Variants in SKAP2 observed in about 807,000 individuals in gnomAD.
SKAP2 encodes src kinase-associated phosphoprotein 2.
A neutral mutation model predicts 54.9 loss-of-function variants in SKAP2; 28 were observed. The observed-to-expected ratio is 0.51, with a 90% confidence interval of 0.38 to 0.70. The LOEUF (loss-of-function observed/expected upper bound fraction) is 0.70, where lower values mean the gene tolerates loss of function less well. Ranked by LOEUF, SKAP2 falls within the 30% of genes least tolerant of loss-of-function variation. SKAP2 has a pLI of 0.00. For missense variants in SKAP2, 356 were observed against 424.1 expected, an observed-to-expected ratio of 0.84 and a Z score of 1.41; for synonymous variants, 137 against 134.3, an observed-to-expected ratio of 1.02 and a Z score of -0.14.
intron 4 of SKAP2, among the ~76,000 whole-genome samples, chr7:26,804,324 T>C (rs1303683868): frequency 6.6e-6 from 1 of 152,202 alleles, no homozygotes. Flanking sequence ...TCCTCTGTTA[T>C]CCTTTCTAAC....
chr7:26,677,394 TAAA>T (rs1322136047), intron 11 of SKAP2, among the ~76,000 whole-genome samples: 2 of 72,952 alleles, frequency 2.7e-5, no homozygotes, highest in Non-Finnish European at 2.9e-5. Flanking sequence ...TCTGTCTCAA[TAAA>T]AAAAAAAAAA....
At chr7:26,843,366 C>G (rs1784857011) in intron 4 of SKAP2, among the ~76,000 whole-genome samples, 1 of 151,964 alleles carries the variant, frequency 6.6e-6, no homozygotes, top group African/African-American at 2.4e-5. Flanking sequence ...TGCAGATGTA[C>G]TCAATGGCTA....
chr7:26,730,975 G>C (rs1787813239), intron 6 of SKAP2, among the ~76,000 whole-genome samples: 1 of 152,104 alleles, frequency 6.6e-6, no homozygotes, highest in African/African-American at 2.4e-5. Context: ...AGCAATAGAG[G>C]AGACATATTA....
At chr7:26,707,361 GAA>G (rs1032822174) in intron 9 of SKAP2, among the ~76,000 whole-genome samples, 1 of 140,230 alleles carries the variant, frequency 7.1e-6, no homozygotes. Flanking sequence ...TACCATTTCA[GAA>G]AAAAAAAAAG....
intron 4 of SKAP2, among the ~76,000 whole-genome samples, chr7:26,827,826 T>C (rs1784521545): frequency 6.6e-6 from 1 of 152,246 alleles, no homozygotes; most frequent in Non-Finnish European, 1.5e-5. Context: ...TATGTTGTCG[T>C]TGACCAGTAA....
At chr7:26,661,738 T>C in the SKAP2 span, among the ~76,000 whole-genome samples, 2 of 152,176 alleles carry the variant, frequency 1.3e-5, no homozygotes, top group African/African-American at 2.4e-5. Context: ...CTAAAATTAT[T>C]TCAAGTAGTA....
chr7:26,747,135 G>A (rs1333982805), intron 4 of SKAP2, among the ~76,000 whole-genome samples: 1 of 147,844 alleles, frequency 6.8e-6, no homozygotes, highest in Non-Finnish European at 1.5e-5. Flanking sequence ...AGGACTAATT[G>A]TGTTACTTTA....
intron 4 of SKAP2, among the ~76,000 whole-genome samples, chr7:26,826,497 G>A (rs1215559251): frequency 2.6e-5 from 4 of 152,088 alleles, no homozygotes; most frequent in Admixed American, 6.5e-5. Flanking sequence ...TTTCTGTCCT[G>A]TCCATTCAAA....
At chr7:26,813,935 G>T (rs1362030840) in intron 4 of SKAP2, among the ~76,000 whole-genome samples, 2 of 152,138 alleles carry the variant, frequency 1.3e-5, no homozygotes, top group African/African-American at 4.8e-5. Flanking sequence ...TTTGAGTTAA[G>T]ATAAAGCCAA....
At chr7:26,758,448 T>C (rs2023819) in intron 4 of SKAP2, among the ~76,000 whole-genome samples, 88,477 of 151,888 alleles carry the variant, frequency 0.58, 26,165 homozygotes, top group East Asian at 0.88. Flanking sequence ...ATATTCCCAA[T>C]ATATATGAAG....
chr7:26,669,970 C>T (rs565247317), intron 12 of SKAP2, 121 bp downstream of exon 12: 13 of 422,928 alleles, frequency 3.1e-5, no homozygotes, highest in East Asian at 6.8e-5. Flanking sequence ...AAAAAGATTT[C>T]GGGGCACAAT....
intron 4 of SKAP2, among the ~76,000 whole-genome samples, chr7:26,824,508 T>C (rs1409571931): frequency 6.6e-6 from 1 of 152,162 alleles, no homozygotes; most frequent in Non-Finnish European, 1.5e-5. Context: ...CTAAACAAAA[T>C]ATACCTATAG....
intron 6 of SKAP2, among the ~76,000 whole-genome samples, chr7:26,736,839 A>G (rs981972223): frequency 2.4e-4 from 37 of 152,112 alleles, no homozygotes; most frequent in African/African-American, 8.7e-4. Context: ...AGATTGCAGT[A>G]AGCTATGATG....
At chr7:26,773,692 A>G (rs538102508) in intron 4 of SKAP2, among the ~76,000 whole-genome samples, 2 of 152,374 alleles carry the variant, frequency 1.3e-5, no homozygotes, top group Admixed American at 6.5e-5. Context: ...TTTATAATGA[A>G]CCACATATAT....
intron 4 of SKAP2, among the ~76,000 whole-genome samples, chr7:26,756,406 C>T (rs1782793152): frequency 6.6e-6 from 1 of 152,108 alleles, no homozygotes; most frequent in Non-Finnish European, 1.5e-5. Context: ...CAATTCTCAC[C>T]TATGAGTGAG....
At chr7:26,772,606 T>C (rs1442645506) in intron 4 of SKAP2, among the ~76,000 whole-genome samples, 1 of 152,236 alleles carries the variant, frequency 6.6e-6, no homozygotes, top group East Asian at 1.9e-4. Context: ...CGTACCACCT[T>C]TTCTTTATCC....
At chr7:26,702,719 G>A (rs901455401) in intron 9 of SKAP2, among the ~76,000 whole-genome samples, 1 of 152,110 alleles carries the variant, frequency 6.6e-6, no homozygotes, top group Non-Finnish European at 1.5e-5. Context: ...TGCTTAGAAG[G>A]CCTCAATCCA....
At chr7:26,791,681 A>C (rs1783675702) in intron 4 of SKAP2, among the ~76,000 whole-genome samples, 1 of 152,338 alleles carries the variant, frequency 6.6e-6, no homozygotes, top group African/African-American at 2.4e-5. Flanking sequence ...AAAACACCTA[A>C]CTAGAAGGAC....
At chr7:26,723,726 G>A (rs1787632145) in intron 9 of SKAP2, among the ~76,000 whole-genome samples, 1 of 151,818 alleles carries the variant, frequency 6.6e-6, no homozygotes, top group Admixed American at 6.6e-5. Flanking sequence ...TAGGGGTGGG[G>A]AGAGAACAGC....
Sources: allele counts gnomAD v4.1 joint callset (sites outside exome capture counted in the v4.1 genomes callset), GRCh38; gene constraint gnomAD v4.1.1; transcripts MANE v1.5; gene names NCBI Gene and HGNC (gene_info 2026-07-23, HGNC 2026-07-21).